GPC6: variants seen among roughly 807,000 people sequenced by gnomAD.
The protein encoded by GPC6 is glypican 6.
In GPC6, 14 loss-of-function variants were observed where a neutral mutation model predicts 55.2. That is an observed-to-expected ratio of 0.25 (90% CI 0.17 to 0.40). GPC6 has a LOEUF of 0.40. GPC6 is among the 10% of genes least tolerant of loss of function. The pLI is 1.00. For synonymous variants in GPC6, 278 were observed against 259.6 expected (o/e 1.07, Z -0.68); for missense variants, 641 against 708.5 (o/e 0.90, Z 1.08).
At chr13:93,589,449 A>G (rs1296497646) in intron 2 of GPC6, among the ~76,000 whole-genome samples, 1 of 152,196 alleles carries the variant, frequency 6.6e-6, no homozygotes, top group East Asian at 1.9e-4. Context: ...TGATAAACCA[A>G]TTTACTTGCT....
intron 2 of GPC6, among the ~76,000 whole-genome samples, chr13:93,646,861 A>G (rs1220647897): frequency 6.6e-6 from 1 of 151,394 alleles, no homozygotes; most frequent in African/African-American, 2.4e-5. Flanking sequence ...ATGACATGAA[A>G]AAAAAAAAAC....
At chr13:94,145,725 A>G (rs1435469892) in intron 4 of GPC6, among the ~76,000 whole-genome samples, 1 of 152,164 alleles carries the variant, frequency 6.6e-6, no homozygotes, top group Admixed American at 6.6e-5. Flanking sequence ...AGATGAGCGG[A>G]CCCTAAGCTC....
chr13:93,865,923 C>A (rs1398199409), intron 3 of GPC6, among the ~76,000 whole-genome samples: 1 of 151,582 alleles, frequency 6.6e-6, no homozygotes, highest in Non-Finnish European at 1.5e-5. Flanking sequence ...GTGGGATTCT[C>A]TGAGGTCACA....
In GPC6 at chr13:94,406,204, G is replaced by C. The variant is rs1228209350; in HGVS notation, c.*2987G>C. 6.6e-6 allele frequency: 1 copy of C among 152,028 alleles called. No individual in the cohort carries two copies. The highest frequency in any genetic ancestry group is 1.5e-5 in the Non-Finnish European group (1 of 67,958). The allele number at this position is 152,028 out of a possible 1,614,324, so 9.4% of individuals were successfully genotyped here. On this transcript the variant is annotated 3_prime_UTR_variant, in exon 9 of 9. Coordinates refer to ENST00000377047, the MANE Select transcript of GPC6 (RefSeq NM_005708.5). ...AGTGCCTCTATTTACATGTTCTTTA[G>C]TTATAATATGTATTTTTCTAACAGA...
intron 4 of GPC6, among the ~76,000 whole-genome samples, chr13:94,144,057 A>T (rs1887473098): frequency 6.6e-6 from 1 of 152,158 alleles, no homozygotes; most frequent in South Asian, 2.1e-4. Flanking sequence ...TGAAAAGAAG[A>T]CGTTTCCTGA....
At chr13:93,972,359 T>C (rs1370533952) in intron 3 of GPC6, among the ~76,000 whole-genome samples, 5 of 152,178 alleles carry the variant, frequency 3.3e-5, no homozygotes, top group East Asian at 1.9e-4. Context: ...AGATTTTTCA[T>C]TTGGGATTAT....
At chr13:93,354,639 T>C (rs9561325) in intron 1 of GPC6, among the ~76,000 whole-genome samples, 62,229 of 151,380 alleles carry the variant, frequency 0.41, 14,246 homozygotes, top group East Asian at 0.92. Context: ...GCTGGGATTA[T>C]AGGCGTGAGC....
intron 1 of GPC6, among the ~76,000 whole-genome samples, chr13:93,231,348 T>TAC (rs1170896231): frequency 3.0e-5 from 1 of 33,484 alleles, no homozygotes; most frequent in African/African-American, 1.6e-4. Flanking sequence ...TATATATACA[T>TAC]ATATATATAT....
At chr13:93,507,782 C>T (rs1880792860) in intron 1 of GPC6, among the ~76,000 whole-genome samples, 1 of 151,716 alleles carries the variant, frequency 6.6e-6, no homozygotes, top group South Asian at 2.1e-4. Context: ...TCTTTATTGA[C>T]AGGAGGGAAT....
intron 1 of GPC6, among the ~76,000 whole-genome samples, chr13:93,455,767 C>T (rs564071297): frequency 2.6e-5 from 4 of 152,080 alleles, no homozygotes; most frequent in African/African-American, 9.7e-5. Flanking sequence ...TCTCTTTTCT[C>T]CATTCATCCT....
chr13:93,633,661 A>C (rs1240276156), intron 2 of GPC6, among the ~76,000 whole-genome samples: 2 of 151,248 alleles, frequency 1.3e-5, no homozygotes, highest in Non-Finnish European at 2.9e-5. Context: ...TAAATAAATA[A>C]ATAAATAAAT....
intron 1 of GPC6, among the ~76,000 whole-genome samples, chr13:93,372,011 T>C (rs1238703161): frequency 1.3e-5 from 2 of 152,128 alleles, no homozygotes; most frequent in Admixed American, 1.3e-4. Context: ...ATACATCTTA[T>C]TGGGTTATTC....
intron 2 of GPC6, among the ~76,000 whole-genome samples, chr13:93,655,138 C>T (rs574738740): frequency 2.0e-5 from 3 of 151,780 alleles, no homozygotes; most frequent in African/African-American, 7.3e-5. Flanking sequence ...CGTGAGCCAC[C>T]GCGCCCGGCC....
rs115630902 is a variant in GPC6, at chr13:94,139,084, A to G, written c.877+111190A>G. 9.2e-3 allele frequency among the ~76,000 whole-genome samples: 1,361 copies of G among 148,550 alleles called. 19 individuals are homozygous for G. Among genetic ancestry groups the G allele is most frequent in the African/African-American group, 0.032 (1,299 of 40,628 alleles). ...AGATATGGTAGGAGTTAGCTGGGGG[A>G]AAAAAAAAAGCATGATGCATTTGCT... On this transcript the variant is annotated intron_variant, in intron 4 of 8. Coordinates refer to ENST00000377047, the MANE Select transcript of GPC6 (RefSeq NM_005708.5).
intron 3 of GPC6, among the ~76,000 whole-genome samples, chr13:93,891,158 A>G (rs1180431746): frequency 2.0e-5 from 3 of 152,114 alleles, no homozygotes; most frequent in African/African-American, 7.2e-5. Context: ...AGTCTACCCT[A>G]TTACTTTAAT....
chr13:94,133,738 G>C (rs1388643409), intron 4 of GPC6, among the ~76,000 whole-genome samples: 1 of 150,844 alleles, frequency 6.6e-6, no homozygotes, highest in African/African-American at 2.4e-5. Context: ...GGTCTCAGCT[G>C]AATGTTCAAC....
chr13:93,966,954 A>G (rs1880074650), intron 3 of GPC6, among the ~76,000 whole-genome samples: 1 of 152,030 alleles, frequency 6.6e-6, no homozygotes, highest in Non-Finnish European at 1.5e-5. Context: ...TGCACCCGAC[A>G]TGTTTCATTA....
chr13:93,894,791 G>A, intron 3 of GPC6, among the ~76,000 whole-genome samples: 1 of 151,982 alleles, frequency 6.6e-6, no homozygotes, highest in Non-Finnish European at 1.5e-5. Flanking sequence ...TAATGCAATA[G>A]GATTTGGGAA....
At chr13:93,592,163 G>C (rs1877518784) in intron 2 of GPC6, among the ~76,000 whole-genome samples, 1 of 151,176 alleles carries the variant, frequency 6.6e-6, no homozygotes, top group Admixed American at 6.6e-5. Context: ...AAAATTAATT[G>C]AATTCAAAAT....
Sources: gnomAD v4.1 joint callset for allele counts (sites outside exome capture counted in the v4.1 genomes callset) on GRCh38, gnomAD v4.1.1 for gene constraint, MANE v1.5 for transcripts, NCBI Gene and HGNC (gene_info 2026-07-23, HGNC 2026-07-21) for gene names.